Variants in OCA2 observed in about 807,000 individuals in gnomAD.
The protein encoded by OCA2 is OCA2 melanosomal transmembrane protein.
In OCA2, 77 loss-of-function variants were observed where a neutral mutation model predicts 100.2. The ratio of observed to expected loss-of-function variants is 0.77; its 90% CI spans 0.64 to 0.93. OCA2 has a LOEUF of 0.93. Among genes scored for constraint, OCA2 ranks in the 40% least tolerant of loss-of-function variants. OCA2 has a pLI of 0.00. For synonymous variants in OCA2, 432 were observed against 439.2 expected (o/e 0.98, Z 0.21); for missense variants, 1,062 against 1,089.1 (o/e 0.98, Z 0.35).
chr15:27,888,211 C>G (rs1457769104), intron 19 of OCA2, among the ~76,000 whole-genome samples: 2 of 152,206 alleles, frequency 1.3e-5, no homozygotes, highest in African/African-American at 4.8e-5. Flanking sequence ...CTGGAGAAAC[C>G]AAACAGATCA....
chr15:28,062,620 G>C (rs959925224), intron 2 of OCA2, among the ~76,000 whole-genome samples: 7 of 152,116 alleles, frequency 4.6e-5, no homozygotes, highest in African/African-American at 1.7e-4. Context: ...TCAAATCTAA[G>C]ATACTGCATA....
chr15:27,786,603 A>T (rs1388424009), intron 23 of OCA2, among the ~76,000 whole-genome samples: 1 of 152,134 alleles, frequency 6.6e-6, no homozygotes, highest in Non-Finnish European at 1.5e-5. Context: ...TGCTGTTAAT[A>T]TACAGCAATA....
intron 14 of OCA2, among the ~76,000 whole-genome samples, chr15:27,968,135 ATTGG>A (rs921987318): frequency 6.6e-6 from 1 of 152,256 alleles, no homozygotes; most frequent in Admixed American, 6.5e-5. Context: ...CAGCAGCGTC[ATTGG>A]TTGGTTCTGT....
rs1314312278 is a variant in OCA2, at chr15:28,028,043, C to T, written c.343G>A (p.Val115Ile). The change falls in exon 4 of 24, where the codon GTT (valine) becomes ATT (isoleucine). Residue 115 changes from valine to isoleucine, a missense_variant. Val to Ile is a conservative substitution (Grantham distance 29). Transcript: ENST00000354638. ...GCAGTGATGAACTCTGGATGGTAAA[C>T]AGGTATGCACCGTGACCTGGAAAGC... ...LQEKGSRCIPVYHPEFITAEE... is the reference protein window; with the variant it reads ...LQEKGSRCIPIYHPEFITAEE... 6.2e-7 allele frequency: 1 copy of T among 1,614,216 alleles called. No homozygotes were observed. The highest frequency in any genetic ancestry group is 1.7e-5 in the Admixed American group (1 of 60,034).
chr15:27,870,810 A>AAGAAAGAAAGAGAG (rs372518302), intron 21 of OCA2, among the ~76,000 whole-genome samples: 56 of 88,248 alleles, frequency 6.3e-4, no homozygotes, highest in African/African-American at 1.5e-3. Flanking sequence ...GAAAGAAAGA[A>AAGAAAGAAAGAGAG]AGAGAGAGAG....
At chr15:27,948,238 G>A (rs899205404) in intron 18 of OCA2, among the ~76,000 whole-genome samples, 1 of 152,152 alleles carries the variant, frequency 6.6e-6, no homozygotes. Flanking sequence ...GCCAGCAAGG[G>A]TGTGAAACAG....
chr15:28,009,332 A>G (rs1004437194), intron 9 of OCA2, among the ~76,000 whole-genome samples: 12 of 152,208 alleles, frequency 7.9e-5, no homozygotes, highest in Non-Finnish European at 1.5e-4. Context: ...AGGAAAAATC[A>G]TATTACTTTA....
chr15:27,835,805 T>C (rs1405000982), intron 23 of OCA2, among the ~76,000 whole-genome samples: 1 of 152,212 alleles, frequency 6.6e-6, no homozygotes, highest in Admixed American at 6.5e-5. Flanking sequence ...TCTTCTCTCT[T>C]GGGCTCTGTG....
intron 19 of OCA2, among the ~76,000 whole-genome samples, chr15:27,901,195 C>A (rs2037914486): frequency 6.6e-6 from 1 of 152,226 alleles, no homozygotes; most frequent in Non-Finnish European, 1.5e-5. Context: ...GTGATTTTCT[C>A]TTGGACTGGA....
the OCA2 span, among the ~76,000 whole-genome samples, chr15:27,743,953 A>G: frequency 1.3e-5 from 2 of 152,158 alleles, no homozygotes; most frequent in East Asian, 1.9e-4. Flanking sequence ...CTCCCTGGCC[A>G]CAAATGCTTC....
rs1407839994 is a variant in OCA2, at chr15:27,955,193, T to C, written c.1807A>G (p.Asn603Asp). The change falls in exon 17 of 24, where the codon AAT becomes GAT. Residue 603 changes from asparagine (N) to aspartate (D), a missense_variant. Transcript: ENST00000354638. Reference sequence around the variant, plus strand: ...AGTTCTTGGATATTGGTCTCCCAATTTTTGTCCTCCTGTGAGATCTGTCTA... The same window carrying C: ...AGTTCTTGGATATTGGTCTCCCAATCTTTGTCCTCCTGTGAGATCTGTCTA... ...FHRQISQEDKNWETNIQELQK... is the reference protein window; with the variant it reads ...FHRQISQEDKDWETNIQELQK... 1 of 1,612,574 alleles carries C rather than the reference T, an allele frequency of 6.2e-7. No homozygotes were observed.
At chr15:27,993,821 C>G (rs1054345588) in intron 9 of OCA2, among the ~76,000 whole-genome samples, 3 of 152,090 alleles carry the variant, frequency 2.0e-5, no homozygotes, top group African/African-American at 7.2e-5. Flanking sequence ...CCACACACCA[C>G]GTGGGAGGCG....
intron 23 of OCA2, among the ~76,000 whole-genome samples, chr15:27,820,744 A>G (rs1346879858): frequency 6.6e-6 from 1 of 152,344 alleles, no homozygotes; most frequent in East Asian, 1.9e-4. Context: ...AACGGCCTCA[A>G]GTAGGGCCTA....
intron 19 of OCA2, among the ~76,000 whole-genome samples, chr15:27,905,485 G>A (rs1199360529): frequency 3.9e-5 from 6 of 152,222 alleles, no homozygotes; most frequent in Non-Finnish European, 8.8e-5. Context: ...TGATCAGAAG[G>A]TCCACCAGAA....
At chr15:27,886,378 C>T (rs16950490) in intron 19 of OCA2, among the ~76,000 whole-genome samples, 3,223 of 152,288 alleles carry the variant, frequency 0.021, 91 homozygotes, top group African/African-American at 0.062. Context: ...TCAAACCAAA[C>T]GGCCGCTGAG....
intron 4 of OCA2, among the ~76,000 whole-genome samples, chr15:28,026,769 G>C (rs941821304): frequency 6.6e-6 from 1 of 152,194 alleles, no homozygotes; most frequent in Non-Finnish European, 1.5e-5. Flanking sequence ...CACTTGGAGC[G>C]TGCAGGCGGG....
intron 19 of OCA2, among the ~76,000 whole-genome samples, chr15:27,924,900 T>A (rs554281827): frequency 3.3e-5 from 5 of 152,270 alleles, no homozygotes; most frequent in African/African-American, 9.6e-5. Flanking sequence ...ATTTTTAAAA[T>A]GATAAGTCAT....
At chr15:27,920,605 C>T (rs563641526) in intron 19 of OCA2, among the ~76,000 whole-genome samples, 21 of 151,984 alleles carry the variant, frequency 1.4e-4, no homozygotes, top group African/African-American at 4.3e-4. Context: ...GGAAAGACTT[C>T]AAAGCAGAAT....
At chr15:27,877,748 A>G (rs2036850954) in intron 19 of OCA2, among the ~76,000 whole-genome samples, 1 of 151,976 alleles carries the variant, frequency 6.6e-6, no homozygotes, top group Non-Finnish European at 1.5e-5. Flanking sequence ...GGGTAAAAGT[A>G]TGTCTCTTAA....
Sources: allele counts gnomAD v4.1 joint callset (sites outside exome capture counted in the v4.1 genomes callset), GRCh38; gene constraint gnomAD v4.1.1; transcripts MANE v1.5; gene names NCBI Gene and HGNC (gene_info 2026-07-23, HGNC 2026-07-21).